PCDH9: variants seen among roughly 807,000 people sequenced by gnomAD.
PCDH9 encodes protocadherin 9.
PCDH9 carries 24 observed loss-of-function variants against 70.6 expected under a neutral mutation model. The observed-to-expected ratio is 0.34, with a 90% confidence interval of 0.25 to 0.48. PCDH9 has a LOEUF of 0.48. PCDH9 is among the 20% of genes least tolerant of loss of function. The pLI is 0.99. For synonymous variants in PCDH9, 562 were observed against 558.5 expected (o/e 1.01, Z -0.09); for missense variants, 1,281 against 1,503.6 (o/e 0.85, Z 2.45).
intron 3 of PCDH9, among the ~76,000 whole-genome samples, chr13:66,817,023 AT>A: frequency 6.6e-6 from 1 of 152,032 alleles, no homozygotes; most frequent in South Asian, 2.1e-4. Flanking sequence ...CCATTAAAAA[AT>A]ACAATAAAAA....
At chr13:66,422,832 A>G (rs1006879242) in intron 4 of PCDH9, among the ~76,000 whole-genome samples, 2 of 152,166 alleles carry the variant, frequency 1.3e-5, no homozygotes, top group Non-Finnish European at 2.9e-5. Context: ...AAACAGAGAC[A>G]CGAAAAACCC....
rs1159370628 is a variant in PCDH9 at position 67,219,483 on chromosome 13, T to A, written c.3036+5922A>T. ...ATCCTATTTTTACATTTGTCTTTACTTCTGTAGTATAATGTAGATTTGGGG... is the reference window on the plus strand; with the variant it reads ...ATCCTATTTTTACATTTGTCTTTACATCTGTAGTATAATGTAGATTTGGGG... On this transcript the variant is annotated intron_variant, in intron 2 of 4. Coordinates refer to ENST00000377865, the MANE Select transcript of PCDH9 (RefSeq NM_203487.3). 4 of 152,064 alleles carry A rather than the reference T, an allele frequency of 2.6e-5. No homozygotes were observed. In the East Asian group the frequency reaches 7.7e-4, roughly 29 times the overall value. The allele number at this position is 152,064 out of a possible 1,614,324, so 9.4% of individuals were successfully genotyped here.
chr13:66,621,878 A>T (rs1040006269), intron 4 of PCDH9, among the ~76,000 whole-genome samples: 1 of 152,208 alleles, frequency 6.6e-6, no homozygotes, highest in African/African-American at 2.4e-5. Flanking sequence ...CCACCACTGC[A>T]CTGTGGGAGC....
chr13:66,859,590 G>A (rs7325556), intron 3 of PCDH9, among the ~76,000 whole-genome samples: 2,334 of 152,234 alleles, frequency 0.015, 75 homozygotes, highest in African/African-American at 0.053. Context: ...AAGAAACTTC[G>A]TGATTAAACC....
intron 4 of PCDH9, among the ~76,000 whole-genome samples, chr13:66,517,677 C>A (rs1959801595): frequency 6.6e-6 from 1 of 152,082 alleles, no homozygotes; most frequent in African/African-American, 2.4e-5. Context: ...CCCTTCTAAA[C>A]TTGGCCTTCA....
At position 67,227,206 on chromosome 13, in the gene PCDH9, T is replaced by C. The variant is rs774861554; in HGVS notation, c.1235A>G (p.Lys412Arg). ...CAAATATTGGTTGTCATATACCGCCTTCAAATGAAATGGGACCTCTCTTTC... is the reference window on the plus strand; with the variant it reads ...CAAATATTGGTTGTCATATACCGCCCTCAAATGAAATGGGACCTCTCTTTC... The part of the protein sequence containing the change: ...FIEREVPFHL[K>R]AVYDNQYLLE... The change falls in exon 2 of 5, where the codon AAG becomes AGG. Residue 412 changes from lysine to arginine, a missense_variant. Coordinates refer to ENST00000377865, the MANE Select transcript of PCDH9 (RefSeq NM_203487.3). The surrounding 1 kb of genome is among the most constrained non-coding windows in gnomAD (Gnocchi z 4.6). 4.3e-6 allele frequency: 7 copies of C among 1,613,672 alleles called. No individual in the cohort carries two copies. The Admixed American group carries it at 1.2e-4, about 27-fold the overall frequency.
At chr13:67,184,169 G>A (rs534631638) in intron 2 of PCDH9, among the ~76,000 whole-genome samples, 2 of 152,242 alleles carry the variant, frequency 1.3e-5, no homozygotes, top group South Asian at 2.1e-4. Flanking sequence ...TAGTAAAAAT[G>A]TAGGTTATAA....
chr13:66,914,456 C>G (rs2082524770), intron 2 of PCDH9: 1 of 151,834 alleles, frequency 6.6e-6, no homozygotes, highest in Non-Finnish European at 1.5e-5. Flanking sequence ...TCTGATTTAT[C>G]CTCATGAAAT....
intron 3 of PCDH9, among the ~76,000 whole-genome samples, chr13:66,720,320 T>G (rs1436646652): frequency 9.7e-5 from 3 of 30,976 alleles, no homozygotes; most frequent in Non-Finnish European, 2.1e-4. Flanking sequence ...TAATTTTTGC[T>G]TTTTTGTTTT....
chr13:66,518,126 T>C (rs1326673548), intron 4 of PCDH9, among the ~76,000 whole-genome samples: 1 of 152,024 alleles, frequency 6.6e-6, no homozygotes, highest in African/African-American at 2.4e-5. Flanking sequence ...GAGCTTTTAC[T>C]CATGGCAGAG....
At chr13:66,563,453 A>T (rs1469074123) in intron 4 of PCDH9, among the ~76,000 whole-genome samples, 15 of 152,196 alleles carry the variant, frequency 9.9e-5, no homozygotes, top group Non-Finnish European at 2.1e-4. Flanking sequence ...CCCTCTAGCC[A>T]CAACGATCTA....
chr13:67,043,063 A>G (rs2139912109), intron 2 of PCDH9, among the ~76,000 whole-genome samples: 1 of 152,340 alleles, frequency 6.6e-6, no homozygotes, highest in Middle Eastern at 3.4e-3. Flanking sequence ...GGGACATGAG[A>G]TTCATACAGC....
intron 3 of PCDH9, among the ~76,000 whole-genome samples, chr13:66,783,716 T>C (rs1302097740): frequency 6.6e-6 from 1 of 152,200 alleles, no homozygotes; most frequent in Non-Finnish European, 1.5e-5. Flanking sequence ...ATGATCTTTC[T>C]GTTATACTCA....
intron 2 of PCDH9, chr13:67,208,644 T>G (rs2089406005): frequency 6.6e-6 from 1 of 152,126 alleles, no homozygotes; most frequent in South Asian, 2.1e-4. Context: ...AATTTACTAC[T>G]GTCACTAGAA....
In PCDH9 at chr13:66,473,383, G is replaced by GT. The variant is rs139088285; in HGVS notation, c.3340+157826dup. 5.8e-4 allele frequency among the ~76,000 whole-genome samples: 88 copies of GT among 150,664 alleles called. 1 individual carries two copies. The Middle Eastern group carries it at 0.021, about 35-fold the overall frequency. The stretch of plus-strand genomic sequence containing the variant: ...TAAGTTAATAACAATAAAGCTATAT[G>GT]TTTTTTTTTCATTTCCATTGGTATG... On this transcript the variant is annotated intron_variant, in intron 4 of 4. Transcript: ENST00000377865.
chr13:66,831,452 A>G (rs1337421580), intron 3 of PCDH9, among the ~76,000 whole-genome samples: 5 of 152,154 alleles, frequency 3.3e-5, no homozygotes, highest in Non-Finnish European at 7.4e-5. Flanking sequence ...CAGCTGTGAC[A>G]AGCATACTAA....
chr13:66,913,259 GGAGAGA>G (rs1466013671), intron 2 of PCDH9, among the ~76,000 whole-genome samples: 4 of 151,832 alleles, frequency 2.6e-5, no homozygotes, highest in Admixed American at 2.6e-4. Context: ...ATGGGGTGGG[GGAGAGA>G]GAGAGAAAGG....
At chr13:66,769,568 T>C (rs1179173224) in intron 3 of PCDH9, among the ~76,000 whole-genome samples, 3 of 152,018 alleles carry the variant, frequency 2.0e-5, no homozygotes, top group Admixed American at 6.6e-5. Flanking sequence ...AACCGAAATA[T>C]GCTTATGCTA....
chr13:66,502,777 TCAATTAGGAGTATA>T, intron 4 of PCDH9, among the ~76,000 whole-genome samples: 1 of 152,342 alleles, frequency 6.6e-6, no homozygotes, highest in South Asian at 2.1e-4. Context: ...ATTTGTTTCG[TCAATTAGGAGTATA>T]CTAAACTACA....
Sources: gnomAD v4.1 joint callset for allele counts (sites outside exome capture counted in the v4.1 genomes callset) on GRCh38, gnomAD v4.1.1 for gene constraint, Gnocchi (gnomAD v3.1) non-coding constraint, MANE v1.5 for transcripts, NCBI Gene and HGNC (gene_info 2026-07-23, HGNC 2026-07-21) for gene names.